Variants in ADCY5 observed in about 807,000 individuals in gnomAD.
The protein encoded by ADCY5 is adenylate cyclase type 5.
ADCY5 carries 30 observed loss-of-function variants against 119.7 expected under a neutral mutation model. The ratio of observed to expected loss-of-function variants is 0.25; its 90% CI spans 0.19 to 0.34. ADCY5 has a LOEUF of 0.34. Among genes scored for constraint, ADCY5 ranks in the 10% least tolerant of loss-of-function variants. The pLI is 1.00. For missense variants in ADCY5, 1,324 were observed against 1,775.2 expected (o/e 0.75, Z 4.57); for synonymous variants, 753 against 762.2 (o/e 0.99, Z 0.20).
At chr3:123,394,054 C>T (rs2107591813) in intron 1 of ADCY5, among the ~76,000 whole-genome samples, 1 of 152,130 alleles carries the variant, frequency 6.6e-6, no homozygotes, top group East Asian at 1.9e-4. Flanking sequence ...CACTTCAACC[C>T]ATAAGGTGGA....
chr3:123,319,236 C>G (rs916420394), intron 10 of ADCY5, among the ~76,000 whole-genome samples: 6 of 151,862 alleles, frequency 4.0e-5, no homozygotes, highest in African/African-American at 1.5e-4. Context: ...CGCCTATAAT[C>G]CCAGCTACAC....
intron 17 of ADCY5, among the ~76,000 whole-genome samples, chr3:123,295,565 C>T (rs1939445436): frequency 6.6e-6 from 1 of 152,222 alleles, no homozygotes; most frequent in Non-Finnish European, 1.5e-5. Flanking sequence ...CTCCTTCAGT[C>T]CATCCCCTCT....
chr3:123,350,531 C>T (rs117967313), intron 2 of ADCY5, among the ~76,000 whole-genome samples: 1 of 152,316 alleles, frequency 6.6e-6, no homozygotes, highest in East Asian at 1.9e-4. Context: ...ACAACCACCT[C>T]TGGGGCTGAG....
chr3:123,396,186 A>AGAAG (rs200127564), intron 1 of ADCY5, among the ~76,000 whole-genome samples: 4,269 of 136,404 alleles, frequency 0.031, 238 homozygotes, highest in East Asian at 0.22. Flanking sequence ...GAGGGAGGGA[A>AGAAG]GAAGGAAGGA....
intron 17 of ADCY5, among the ~76,000 whole-genome samples, chr3:123,293,731 G>A (rs1334810846): frequency 6.6e-6 from 1 of 152,144 alleles, no homozygotes; most frequent in Middle Eastern, 3.2e-3. Flanking sequence ...GGGAGGTAGT[G>A]GTATGAACTC....
intron 16 of ADCY5, chr3:123,296,874 G>A (rs1262456355): frequency 2.3e-6 from 2 of 887,920 alleles, no homozygotes; most frequent in Non-Finnish European, 3.3e-6. Context: ...CCTGCCAAGA[G>A]CTCAACCCCT....
At chr3:123,371,444 G>A (rs1943638412) in intron 1 of ADCY5, among the ~76,000 whole-genome samples, 1 of 152,270 alleles carries the variant, frequency 6.6e-6, no homozygotes, top group Non-Finnish European at 1.5e-5. Flanking sequence ...GTCGATCGCA[G>A]TCCCCTGAGG....
chr3:123,319,927 C>T (rs1941131409), intron 9 of ADCY5, 109 bp from the exon 10 acceptor site: 12 of 1,426,148 alleles, frequency 8.4e-6, no homozygotes, highest in Non-Finnish European at 1.0e-5. Flanking sequence ...TGGCAGCTGT[C>T]CACCATCAGC....
At chr3:123,322,141 C>A (rs994537056) in intron 8 of ADCY5, among the ~76,000 whole-genome samples, 1 of 152,218 alleles carries the variant, frequency 6.6e-6, no homozygotes, top group African/African-American at 2.4e-5. Flanking sequence ...CCTTGGAGCA[C>A]AGGCGTGGCG....
At chr3:123,310,800 A>G (rs1940526490) in intron 12 of ADCY5, among the ~76,000 whole-genome samples, 1 of 152,126 alleles carries the variant, frequency 6.6e-6, no homozygotes, top group African/African-American at 2.4e-5. Context: ...CTCAGGAGTG[A>G]AACCAGGACT....
At chr3:123,428,317 C>T (rs774562272) in intron 1 of ADCY5, among the ~76,000 whole-genome samples, 26 of 152,202 alleles carry the variant, frequency 1.7e-4, no homozygotes, top group Non-Finnish European at 2.9e-5. Context: ...ACTTTTGTGC[C>T]TGCAGTCATG....
At chr3:123,336,238 C>T (rs917019165) in intron 3 of ADCY5, among the ~76,000 whole-genome samples, 8 of 152,262 alleles carry the variant, frequency 5.3e-5, no homozygotes, top group African/African-American at 1.7e-4. Flanking sequence ...GCCTCCCAGG[C>T]ACCTGCCCCC....
chr3:123,406,407 A>G (rs1347076157), intron 1 of ADCY5, among the ~76,000 whole-genome samples: 2 of 152,098 alleles, frequency 1.3e-5, no homozygotes, highest in South Asian at 4.2e-4. Context: ...GTAACAAACT[A>G]TCTTTTCCAC....
chr3:123,356,402 A>C (rs1282151872), intron 1 of ADCY5, among the ~76,000 whole-genome samples: 1 of 152,214 alleles, frequency 6.6e-6, no homozygotes, highest in Non-Finnish European at 1.5e-5. Flanking sequence ...CATATTTCAC[A>C]CCTTTAGTTT....
chr3:123,385,509 T>C (rs1944192000), intron 1 of ADCY5, among the ~76,000 whole-genome samples: 1 of 152,178 alleles, frequency 6.6e-6, no homozygotes, highest in African/African-American at 2.4e-5. Flanking sequence ...CTCCTCTACA[T>C]TCTGGAGACC....
chr3:123,386,863 G>A (rs1191738302), intron 1 of ADCY5, among the ~76,000 whole-genome samples: 1 of 152,120 alleles, frequency 6.6e-6, no homozygotes, highest in African/African-American at 2.4e-5. Flanking sequence ...ATGACCCAAG[G>A]TCTTAAGCCC....
intron 1 of ADCY5, among the ~76,000 whole-genome samples, chr3:123,398,797 C>A (rs911673030): frequency 3.3e-5 from 5 of 152,152 alleles, no homozygotes; most frequent in African/African-American, 1.2e-4. Context: ...CCTCCTTTAG[C>A]GAGCCACACT....
At chr3:123,390,762 C>T (rs903546138) in intron 1 of ADCY5, among the ~76,000 whole-genome samples, 2 of 152,208 alleles carry the variant, frequency 1.3e-5, no homozygotes, top group Non-Finnish European at 2.9e-5. Context: ...GCCACCCAGT[C>T]CCATCCTGGG....
chr3:123,401,029 A>C (rs1944735414), intron 1 of ADCY5, among the ~76,000 whole-genome samples: 2 of 131,980 alleles, frequency 1.5e-5, no homozygotes, highest in African/African-American at 5.7e-5. Flanking sequence ...AAAAAGAAAA[A>C]GGAACACTGC....
Sources: gnomAD v4.1 joint callset for allele counts (sites outside exome capture counted in the v4.1 genomes callset) on GRCh38, gnomAD v4.1.1 for gene constraint, MANE v1.5 for transcripts, NCBI Gene and HGNC (gene_info 2026-07-23, HGNC 2026-07-21) for gene names.